CA5A: variants seen among roughly 807,000 people sequenced by gnomAD.
CA5A encodes the protein carbonic anhydrase 5A, mitochondrial.
Under a neutral mutation model 37.1 loss-of-function variants are expected in CA5A, and 28 were observed. That is an observed-to-expected ratio of 0.75 (90% CI 0.56 to 1.03). CA5A has a LOEUF of 1.03. CA5A is among the 50% of genes least tolerant of loss of function. The pLI is 0.00. For synonymous variants in CA5A, 171 were observed against 158.4 expected, an observed-to-expected ratio of 1.08 and a Z score of -0.60; for missense variants, 444 against 399.9, an observed-to-expected ratio of 1.11 and a Z score of -0.94.
At chr16:87,928,649 A>G (rs1178283963) in intron 1 of CA5A, among the ~76,000 whole-genome samples, 1 of 151,834 alleles carries the variant, frequency 6.6e-6, no homozygotes, top group East Asian at 1.9e-4. Flanking sequence ...TTTAAAATCC[A>G]TTATTTGGTG....
chr16:87,934,527 C>T (rs1409749113), intron 1 of CA5A, among the ~76,000 whole-genome samples: 1 of 152,168 alleles, frequency 6.6e-6, no homozygotes, highest in East Asian at 1.9e-4. Flanking sequence ...GGAGATCGCA[C>T]CACTGCGCTC....
At chr16:87,925,369 C>T (rs1313201395) in intron 2 of CA5A, among the ~76,000 whole-genome samples, 3 of 152,182 alleles carry the variant, frequency 2.0e-5, no homozygotes, top group Non-Finnish European at 4.4e-5. Flanking sequence ...CCAGGGAAGA[C>T]GGACAGGACG....
At chr16:87,930,530 C>A (rs1398272462) in intron 1 of CA5A, among the ~76,000 whole-genome samples, 2 of 152,090 alleles carry the variant, frequency 1.3e-5, no homozygotes, top group African/African-American at 4.8e-5. Flanking sequence ...CGCCTGGCTT[C>A]CCTATTAAAG....
At chr16:87,919,638 T>C (rs2056203490) in intron 2 of CA5A, among the ~76,000 whole-genome samples, 1 of 152,280 alleles carries the variant, frequency 6.6e-6, no homozygotes, top group South Asian at 2.1e-4. Flanking sequence ...CCGGACTCTT[T>C]AGGATCGGAG....
intron 2 of CA5A, among the ~76,000 whole-genome samples, chr16:87,917,866 G>T (rs1198151559): frequency 6.6e-6 from 1 of 150,832 alleles, no homozygotes; most frequent in Non-Finnish European, 1.5e-5. Context: ...GTCGCTTTAG[G>T]AACTAGACTG....
Position 87,926,805 on chromosome 16 carries a change from T to G in CA5A, c.283A>C (p.Ile95Leu). Residue 95 changes from isoleucine (I) to leucine (L), a missense_variant, in exon 2 of 7, where the codon ATC (isoleucine) becomes CTC (leucine). Coordinates refer to ENST00000649794, the MANE Select transcript of CA5A (RefSeq NM_001739.2). Reference sequence around the variant, plus strand: ...TGGAAGAGGTAGCCAGTGTTCCAGATGTACAGGCAGGATGCCGCTTCATAG... The same window carrying G: ...TGGAAGAGGTAGCCAGTGTTCCAGAGGTACAGGCAGGATGCCGCTTCATAG... ...VSYEAASCLY[I>L]WNTGYLFQVE... 7 of 1,614,212 alleles carry G rather than the reference T, an allele frequency of 4.3e-6. No homozygotes were observed. Among genetic ancestry groups the G allele is most frequent in the Non-Finnish European group, 5.9e-6 (7 of 1,180,028 alleles).
At chr16:87,887,940 C>T (rs1408921849), downstream of CA5A, 2 of 794,102 alleles carry the variant, frequency 2.5e-6, no homozygotes, top group Admixed American at 7.0e-5. Flanking sequence ...CCCTCCATCC[C>T]AGCGTTATGT....
intron 1 of CA5A, among the ~76,000 whole-genome samples, chr16:87,927,963 C>A (rs563192425): frequency 2.6e-5 from 4 of 152,070 alleles, no homozygotes; most frequent in African/African-American, 9.6e-5. Context: ...TGTGCAATAA[C>A]CTCATGCTAA....
intron 1 of CA5A, among the ~76,000 whole-genome samples, chr16:87,930,491 G>C (rs1452386402): frequency 6.6e-6 from 1 of 152,138 alleles, no homozygotes; most frequent in African/African-American, 2.4e-5. Flanking sequence ...GGAACCTGAG[G>C]CCTGAATCCC....
At chr16:87,929,827 G>T (rs565505373) in intron 1 of CA5A, among the ~76,000 whole-genome samples, 10 of 121,690 alleles carry the variant, frequency 8.2e-5, no homozygotes, top group African/African-American at 2.9e-4. Flanking sequence ...AGCCGAGATC[G>T]CGCCACCGCA....
chr16:87,897,551 G>C (rs1056576689), intron 5 of CA5A, among the ~76,000 whole-genome samples: 1 of 152,204 alleles, frequency 6.6e-6, no homozygotes, highest in Admixed American at 6.5e-5. Flanking sequence ...TCCAGGCAGC[G>C]CCTGATGTGG....
At chr16:87,897,543 C>T (rs1443865625) in intron 5 of CA5A, among the ~76,000 whole-genome samples, 2 of 152,186 alleles carry the variant, frequency 1.3e-5, no homozygotes, top group Non-Finnish European at 2.9e-5. Context: ...TCCAGGCTTC[C>T]AGGCAGCGCC....
In CA5A at chr16:87,891,874, C is replaced by T. The variant is rs372853404; in HGVS notation, c.699G>A (p.Ser233=). Residue 233 remains serine, a synonymous_variant, in exon 6 of 7, where the codon TCG becomes TCA. Transcript: ENST00000649794. ...TCWDYWTYAG[S]LTTPPLTESV... is the part of the protein sequence containing the mutation. ...ACTCGGTCAGCGGCGGGGTGGTGAG[C>T]GAGCCCGCGTAGGTCCAGTAATCCC... 1.7e-5 allele frequency: 27 copies of T among 1,572,838 alleles called. No homozygotes were observed. Among genetic ancestry groups the T allele is most frequent in the African/African-American group, 1.4e-4 (10 of 72,890 alleles).
chr16:87,892,001 A>G, intron 5 of CA5A, 47 bp from the exon 6 acceptor site: 1 of 1,471,492 alleles, frequency 6.8e-7, no homozygotes. Flanking sequence ...AGGGGAGACT[A>G]GGAGCTTCCA....
intron 2 of CA5A, among the ~76,000 whole-genome samples, chr16:87,913,133 C>T (rs186811744): frequency 5.1e-4 from 77 of 152,092 alleles, no homozygotes; most frequent in Non-Finnish European, 1.5e-4. Context: ...CAGGCACCAC[C>T]ACAACTGGCT....
At chr16:87,914,132 G>C (rs1257691596) in intron 2 of CA5A, among the ~76,000 whole-genome samples, 1 of 152,228 alleles carries the variant, frequency 6.6e-6, no homozygotes. Context: ...TTTGCTGAGA[G>C]AAAACTGCAG....
intron 2 of CA5A, among the ~76,000 whole-genome samples, chr16:87,926,233 T>TAAAATAAAAC (rs2056307085): frequency 6.6e-6 from 1 of 151,830 alleles, no homozygotes; most frequent in Non-Finnish European, 1.5e-5. Flanking sequence ...TAAAATAAAA[T>TAAAATAAAAC]AAAATAAAAT....
rs1373425334 is a variant in CA5A, at chr16:87,917,804, T to C, written c.340+8944A>G. 8.4e-5 allele frequency among the ~76,000 whole-genome samples: 10 copies of C among 119,304 alleles called. 1 individual carries two copies. Among genetic ancestry groups the C allele is most frequent in the Middle Eastern group, 4.6e-3 (1 of 216 alleles). The allele number at this position is 119,304 out of a possible 152,430, so 78.3% of individuals were successfully genotyped here. On this transcript the variant is annotated intron_variant, in intron 2 of 6. Transcript: ENST00000649794. The stretch of plus-strand genomic sequence containing the variant: ...TGCACACATGTATACACAGTGCACA[T>C]GTGCACACATGCACACGAACACACA...
intron 2 of CA5A, among the ~76,000 whole-genome samples, chr16:87,920,457 G>GT (rs1241509240): frequency 2.0e-5 from 3 of 151,168 alleles, no homozygotes; most frequent in Non-Finnish European, 4.4e-5. Context: ...TTACAGGCAT[G>GT]CACCACCACG....
Sources: allele counts gnomAD v4.1 joint callset (sites outside exome capture counted in the v4.1 genomes callset), GRCh38; gene constraint gnomAD v4.1.1; transcripts MANE v1.5; gene names NCBI Gene and HGNC (gene_info 2026-07-23, HGNC 2026-07-21).